The following BSPRY variants were observed in gnomAD, a reference collection of about 807,000 sequenced individuals.
BSPRY encodes B-box and SPRY domain containing.
BSPRY carries 33 observed loss-of-function variants against 38.0 expected under a neutral mutation model. The ratio of observed to expected loss-of-function variants is 0.87; its 90% CI spans 0.66 to 1.16. BSPRY has a LOEUF of 1.16. Ranked by LOEUF, BSPRY falls within the 50% of genes most tolerant of loss-of-function variation. The pLI is 0.00. For missense variants in BSPRY, 523 were observed against 533.2 expected, an observed-to-expected ratio of 0.98 and a Z score of 0.19; for synonymous variants, 224 against 228.5, an observed-to-expected ratio of 0.98 and a Z score of 0.18.
At chr9:113,366,596 G>A (rs1393628247) in intron 4 of BSPRY, among the ~76,000 whole-genome samples, 1 of 152,208 alleles carries the variant, frequency 6.6e-6, no homozygotes, top group Non-Finnish European at 1.5e-5. Context: ...CCATAGGGCA[G>A]CTAGCCCGGG....
chr9:113,355,489 TGATG>T (rs1469564585), intron 2 of BSPRY, among the ~76,000 whole-genome samples: 1 of 152,216 alleles, frequency 6.6e-6, no homozygotes, highest in Non-Finnish European at 1.5e-5. Flanking sequence ...TGCTTTTGCA[TGATG>T]GTCTCCATCT....
At chr9:113,359,453 T>C (rs1002156063) in intron 2 of BSPRY, among the ~76,000 whole-genome samples, 1 of 152,236 alleles carries the variant, frequency 6.6e-6, no homozygotes, top group Non-Finnish European at 1.5e-5. Flanking sequence ...TAGGAATGAT[T>C]GCCCTGTGCA....
intron 4 of BSPRY, among the ~76,000 whole-genome samples, chr9:113,364,427 C>A (rs1368739601): frequency 6.6e-6 from 1 of 152,200 alleles, no homozygotes; most frequent in African/African-American, 2.4e-5. Flanking sequence ...CCCATCTTCT[C>A]TATCTCCTTT....
At chr9:113,359,291 C>T (rs4979239) in intron 2 of BSPRY, among the ~76,000 whole-genome samples, 45,291 of 152,142 alleles carry the variant, frequency 0.3, 7,956 homozygotes, top group African/African-American at 0.48. Context: ...CTACACACTA[C>T]CTCTAAAGCT....
At chr9:113,357,698 A>G (rs1286912333) in intron 2 of BSPRY, among the ~76,000 whole-genome samples, 1 of 151,412 alleles carries the variant, frequency 6.6e-6, no homozygotes, top group Non-Finnish European at 1.5e-5. Context: ...TCTTTGTCTT[A>G]ATTTCATTAT....
At chr9:113,365,875 C>T (rs905272425) in intron 4 of BSPRY, among the ~76,000 whole-genome samples, 1 of 143,958 alleles carries the variant, frequency 6.9e-6, no homozygotes, top group Non-Finnish European at 1.5e-5. Context: ...CGCAATCTTG[C>T]CTCACTGCAA....
chr9:113,370,270 C>A lies in BSPRY; in HGVS notation c.*128C>A. The A allele has an allele frequency of 1.8e-6, 2 of 1,137,858 alleles. No individual in the cohort carries two copies. The highest frequency in any genetic ancestry group is 1.2e-6 in the Non-Finnish European group (1 of 821,486). 70.5% of individuals were successfully genotyped at this position (1,137,858 alleles called of 1,614,324 possible). A position where few individuals can be genotyped will look rare whatever the true frequency, so the allele number is the denominator to read the frequency against. On this transcript the variant is annotated 3_prime_UTR_variant, in exon 6 of 6. Coordinates refer to ENST00000374183, the MANE Select transcript of BSPRY (RefSeq NM_017688.3). This position sits in a 1 kb window ranked among gnomAD's most constrained non-coding sequence, Gnocchi z 4.8. ...AACAGGGCCCATAACCAGTGGGCAGCTTTAGGAGGGATGGGGATCTGTTTC... is the reference window on the plus strand; with the variant it reads ...AACAGGGCCCATAACCAGTGGGCAGATTTAGGAGGGATGGGGATCTGTTTC...
chr9:113,351,868 G>C (rs1833977573), intron 1 of BSPRY, among the ~76,000 whole-genome samples: 1 of 152,084 alleles, frequency 6.6e-6, no homozygotes, highest in African/African-American at 2.4e-5. Flanking sequence ...GGAGTGCAGT[G>C]GTGCTATTTC....
chr9:113,368,409 A>G (rs755408975), intron 5 of BSPRY, 26 bp downstream of exon 5: 5 of 1,608,246 alleles, frequency 3.1e-6, no homozygotes, highest in South Asian at 2.2e-5. Flanking sequence ...GCCCAGGACC[A>G]TTAGGACAAC....
At chr9:113,363,066 A>C (rs1162091013) in intron 4 of BSPRY, among the ~76,000 whole-genome samples, 1 of 152,210 alleles carries the variant, frequency 6.6e-6, no homozygotes, top group Non-Finnish European at 1.5e-5. Flanking sequence ...AATGGGTATA[A>C]ATTATTTATT....
In BSPRY at chr9:113,370,111, T is replaced by C. The variant is rs568713681; in HGVS notation, c.1178T>C (p.Val393Ala). Residue 393 changes from valine (V) to alanine (A), a missense_variant, in exon 6 of 6, where the codon GTG becomes GCG. Physicochemically the swap from Val to Ala is moderately conservative, Grantham distance 64 (BLOSUM62 0). Coordinates refer to ENST00000374183, the MANE Select transcript of BSPRY (RefSeq NM_017688.3). The surrounding 1 kb of genome is among the most constrained non-coding windows in gnomAD (Gnocchi z 4.8). Reference sequence around the variant, plus strand: ...GGGCCCCTCTTCCCAGTCTTTGCTGTGGCCGATCAGACCATTTCTATCGTC... The same window carrying C: ...GGGCCCCTCTTCCCAGTCTTTGCTGCGGCCGATCAGACCATTTCTATCGTC... ...FPGPLFPVFA[V>A]ADQTISIVR 69 of 1,594,894 alleles carry C rather than the reference T, an allele frequency of 4.3e-5. No homozygotes were observed. The highest frequency in any genetic ancestry group is 5.4e-5 in the Non-Finnish European group (63 of 1,170,732).
At chr9:113,365,750 AGTGTGTGT>A (rs3983380) in intron 4 of BSPRY, among the ~76,000 whole-genome samples, 7 of 147,150 alleles carry the variant, frequency 4.8e-5, no homozygotes, top group South Asian at 2.1e-4. Context: ...AGAGAGAGAG[AGTGTGTGT>A]GTGTGTGTGT....
rs561776584 is a variant in BSPRY, at chr9:113,352,309, C to T, written c.202-1931C>T. On this transcript the variant is annotated intron_variant, in intron 1 of 5. Coordinates refer to ENST00000374183, the MANE Select transcript of BSPRY (RefSeq NM_017688.3). ...AGTCAGACTTATGGTGCTTCTGTTC[C>T]AGTGGTGGGGGAGACAGATACCCAA... 4.6e-5 allele frequency among the ~76,000 whole-genome samples: 7 copies of T among 152,284 alleles called. No homozygotes were observed. In the South Asian group the frequency reaches 1.4e-3, roughly 32 times the overall value.
intron 4 of BSPRY, among the ~76,000 whole-genome samples, chr9:113,365,347 A>G (rs1834230316): frequency 6.6e-6 from 1 of 152,128 alleles, no homozygotes; most frequent in Non-Finnish European, 1.5e-5. Context: ...CCCTTATTCA[A>G]TATTAATACA....
chr9:113,365,744 A>C (rs1282561635), intron 4 of BSPRY, among the ~76,000 whole-genome samples: 2 of 139,406 alleles, frequency 1.4e-5, no homozygotes. Context: ...AGAGAGAGAG[A>C]GAGAGAGTGT....
At chr9:113,362,270 A>G (rs917380973) in intron 3 of BSPRY, 99 bp from the exon 4 acceptor site, 2 of 1,250,716 alleles carry the variant, frequency 1.6e-6, no homozygotes. Flanking sequence ...TTTATTCTAG[A>G]GTCCACATGG....
At position 113,368,352 on chromosome 9, in the gene BSPRY, C is replaced by G; in HGVS notation, c.651C>G (p.Leu217=). The G allele has an allele frequency of 6.2e-7, 1 of 1,614,164 alleles. No homozygotes were observed. The highest frequency in any genetic ancestry group is 1.1e-5 in the South Asian group (1 of 91,068). ...CTCGGAGCCCACTACTGACCCAACT[C>G]TGGGCAACGGCGGTTCTTGGGTCTC... ...KCTRSPLLTQ[L]WATAVLGSLS... Residue 217 remains leucine (L), a synonymous_variant, in exon 5 of 6, where the codon CTC becomes CTG. Transcript: ENST00000374183.
At position 113,369,991 on chromosome 9, in the gene BSPRY, A is replaced by C; in HGVS notation, c.1058A>C (p.Gln353Pro). 6.2e-7 allele frequency: 1 copy of C among 1,614,150 alleles called. No homozygotes were observed. Among genetic ancestry groups the C allele is most frequent in the Non-Finnish European group, 8.5e-7 (1 of 1,180,032 alleles). The change falls in exon 6 of 6, where the codon CAG becomes CCG. Residue 353 changes from glutamine to proline, a missense_variant. By Grantham distance (76) the Gln-to-Pro change is moderately conservative. Transcript: ENST00000374183. ...CTGGGGCTGCTGCGGGGCCCAGCCC[A>C]GCTGGGTGTAGTGCTGGACTTGCAG... ...EPLGLLRGPA[Q>P]LGVVLDLQVQ...
intron 3 of BSPRY, among the ~76,000 whole-genome samples, 197 bp from the exon 4 acceptor site, chr9:113,362,172 T>TGGGG (rs1036207676): frequency 2.2e-5 from 3 of 133,478 alleles, no homozygotes; most frequent in African/African-American, 8.6e-5. Context: ...GCATGTGTTA[T>TGGGG]GGGTGTGTGT....
Sources: gnomAD v4.1 joint callset for allele counts (sites outside exome capture counted in the v4.1 genomes callset) on GRCh38, gnomAD v4.1.1 for gene constraint, Gnocchi (gnomAD v3.1) non-coding constraint, MANE v1.5 for transcripts, NCBI Gene and HGNC (gene_info 2026-07-23, HGNC 2026-07-21) for gene names.